Variants in ZC3H12B observed in about 807,000 individuals in gnomAD.
ZC3H12B encodes the protein probable ribonuclease ZC3H12B.
Under a neutral mutation model 43.9 loss-of-function variants are expected in ZC3H12B, and 7 were observed. The ratio of observed to expected loss-of-function variants is 0.16; its 90% CI spans 0.09 to 0.30. The LOEUF (loss-of-function observed/expected upper bound fraction) is 0.30, where lower values mean the gene tolerates loss of function less well. ZC3H12B is among the 10% of genes least tolerant of loss of function. The probability of loss-of-function intolerance (pLI) is 1.00; values close to 1 mark genes in which losing one functional copy is unlikely to be tolerated. For synonymous variants in ZC3H12B, 222 were observed against 241.7 expected, an observed-to-expected ratio of 0.92 and a Z score of 0.76; for missense variants, 475 against 670.2, an observed-to-expected ratio of 0.71 and a Z score of 3.22.
At chrX:65,207,578 C>A in the ZC3H12B span, among the ~76,000 whole-genome samples, 3 of 110,420 alleles carry the variant, frequency 2.7e-5, no homozygotes, top group African/African-American at 6.6e-5. Flanking sequence ...TAGAAATTAA[C>A]CACTAAAGAA....
chrX:65,373,895 A>C lies in ZC3H12B; in HGVS notation n.295+4897A>C, dbSNP rs375558484. Among the ~76,000 whole-genome samples the C allele has an allele frequency of 2.3e-4, 5 of 21,867 alleles. 1 individual carries two copies. The African/African-American group carries it at 4.1e-3, about 18-fold the overall frequency. The allele number at this position is 21,867 out of a possible 115,157, so 19.0% of individuals were successfully genotyped here. A position where few individuals can be genotyped will look rare whatever the true frequency, so the allele number is the denominator to read the frequency against. On this transcript the variant is annotated intron_variant and non_coding_transcript_variant, in intron 2 of 5. Transcript: ENST00000617377. ...GTACCCTAGAACTTAAAGTATAGTA[A>C]TATATATATATAGTTATATATATAT...
chrX:65,404,736 G>T (rs1010779622), intron 3 of ZC3H12B, among the ~76,000 whole-genome samples: 2 of 111,666 alleles, frequency 1.8e-5, no homozygotes, highest in African/African-American at 6.5e-5. Flanking sequence ...GAGAGAGATA[G>T]TTCCCAATAC....
chrX:65,051,848 C>T, the ZC3H12B span, among the ~76,000 whole-genome samples: 2 of 110,432 alleles, frequency 1.8e-5, no homozygotes, highest in South Asian at 7.7e-4. Context: ...GATGAAATCA[C>T]AGGGGTACCT....
the ZC3H12B span, among the ~76,000 whole-genome samples, chrX:65,063,936 T>C: frequency 8.9e-6 from 1 of 112,451 alleles, no homozygotes; most frequent in African/African-American, 3.2e-5. Flanking sequence ...TTTTCTAGTT[T>C]ATTTGCATAG....
chrX:65,438,680 A>AG (rs1254654782), intron 3 of ZC3H12B, among the ~76,000 whole-genome samples: 1 of 113,355 alleles, frequency 8.8e-6, no homozygotes, highest in Non-Finnish European at 1.9e-5. Flanking sequence ...GGGAAATGAA[A>AG]GGATGGGCCA....
At chrX:65,327,295 C>T in the ZC3H12B span, among the ~76,000 whole-genome samples, 3 of 110,578 alleles carry the variant, frequency 2.7e-5, no homozygotes, top group East Asian at 2.8e-4. Flanking sequence ...ATCTACATAT[C>T]GATATATAGA....
chrX:65,256,257 C>A, the ZC3H12B span, among the ~76,000 whole-genome samples: 1 of 112,190 alleles, frequency 8.9e-6, no homozygotes. Flanking sequence ...GCATATGGCA[C>A]ATAGTCTAAA....
chrX:65,323,547 T>A, the ZC3H12B span, among the ~76,000 whole-genome samples: 1 of 112,571 alleles, frequency 8.9e-6, no homozygotes, highest in African/African-American at 3.2e-5. Flanking sequence ...GGCTGCATAG[T>A]ATTCCATGGT....
intron 3 of ZC3H12B, among the ~76,000 whole-genome samples, chrX:65,422,366 T>C (rs1375333037): frequency 9.0e-6 from 1 of 111,598 alleles, no homozygotes; most frequent in Non-Finnish European, 1.9e-5. Flanking sequence ...ATCGATTAGT[T>C]GTTAGGTGAA....
At chrX:65,050,238 T>G in the ZC3H12B span, among the ~76,000 whole-genome samples, 2 of 111,557 alleles carry the variant, frequency 1.8e-5, no homozygotes, top group African/African-American at 6.5e-5. Context: ...GTGCAACTGC[T>G]TTTTATTTGT....
the ZC3H12B span, among the ~76,000 whole-genome samples, chrX:65,316,002 C>T: frequency 9.0e-6 from 1 of 111,673 alleles, no homozygotes; most frequent in Non-Finnish European, 1.9e-5. Flanking sequence ...AGCTGAAAAA[C>T]TGGCTTCAAG....
the ZC3H12B span, among the ~76,000 whole-genome samples, chrX:65,116,894 C>T: frequency 2.7e-5 from 3 of 111,891 alleles, no homozygotes; most frequent in Non-Finnish European, 5.7e-5. Context: ...CATACTCATC[C>T]TTTTTTATGA....
At chrX:65,334,979 G>C in the ZC3H12B span, among the ~76,000 whole-genome samples, 1 of 111,702 alleles carries the variant, frequency 9.0e-6, no homozygotes. Flanking sequence ...AGGTGGCTAA[G>C]AGCATGCTTC....
chrX:65,323,435 C>T, the ZC3H12B span, among the ~76,000 whole-genome samples: 1 of 111,821 alleles, frequency 8.9e-6, no homozygotes, highest in East Asian at 2.8e-4. Context: ...TGAGTGAGAA[C>T]ATGTGGTGTT....
the ZC3H12B span, among the ~76,000 whole-genome samples, chrX:65,113,249 G>A: frequency 6.4e-4 from 72 of 111,907 alleles, no homozygotes; most frequent in Non-Finnish European, 8.9e-4. Context: ...CAGCAAAAAA[G>A]TGGTTTCTTG....
intron 3 of ZC3H12B, among the ~76,000 whole-genome samples, chrX:65,458,711 T>G (rs1315727135): frequency 4.5e-5 from 5 of 111,249 alleles, no homozygotes; most frequent in Admixed American, 9.6e-5. Flanking sequence ...TTCAAAACAG[T>G]GTGTAGAGGG....
chrX:65,373,651 A>G (rs2066278563), intron 2 of ZC3H12B, among the ~76,000 whole-genome samples: 1 of 101,490 alleles, frequency 9.9e-6, no homozygotes. Flanking sequence ...ACAGAAAACC[A>G]AACACTGAAT....
the ZC3H12B span, among the ~76,000 whole-genome samples, chrX:65,140,664 A>T: frequency 8.9e-6 from 1 of 112,153 alleles, no homozygotes; most frequent in Admixed American, 9.4e-5. Flanking sequence ...CTCTCTAAAT[A>T]TCTGGTAGAA....
At chrX:65,189,854 G>A in the ZC3H12B span, among the ~76,000 whole-genome samples, 2 of 109,454 alleles carry the variant, frequency 1.8e-5, no homozygotes, top group Admixed American at 9.7e-5. Context: ...TTGGTGTTTT[G>A]GACATGAAGT....
Sources: gnomAD v4.1 joint callset for allele counts (sites outside exome capture counted in the v4.1 genomes callset) on GRCh38, gnomAD v4.1.1 for gene constraint, MANE v1.5 for transcripts, NCBI Gene and HGNC (gene_info 2026-07-23, HGNC 2026-07-21) for gene names.